The following CNTN4 variants were observed in gnomAD, a reference collection of about 807,000 sequenced individuals.
CNTN4 encodes the protein contactin-4.
In CNTN4, 77 loss-of-function variants were observed where a neutral mutation model predicts 122.5. The observed-to-expected ratio is 0.63, with a 90% CI of 0.52 to 0.76. The LOEUF is 0.76. Ranked by LOEUF, CNTN4 falls within the 30% of genes least tolerant of loss-of-function variation. CNTN4 has a pLI of 0.00. For missense variants in CNTN4, 1,256 were observed against 1,259.1 expected, an observed-to-expected ratio of 1.00 and a Z score of 0.04; for synonymous variants, 512 against 447.0, an observed-to-expected ratio of 1.15 and a Z score of -1.83.
intron 2 of CNTN4, among the ~76,000 whole-genome samples, chr3:2,122,981 G>A (rs1038087425): frequency 3.3e-5 from 5 of 152,120 alleles, no homozygotes; most frequent in African/African-American, 9.7e-5. Context: ...GGGTACTGTC[G>A]GTGAGACTTG....
intron 4 of CNTN4, among the ~76,000 whole-genome samples, chr3:2,663,243 G>A (rs1408067738): frequency 6.6e-6 from 1 of 152,146 alleles, no homozygotes; most frequent in Non-Finnish European, 1.5e-5. Flanking sequence ...AATCAAAAAA[G>A]TGAGTTAAGA....
At chr3:2,217,689 A>AGG (rs1168262793) in intron 2 of CNTN4, among the ~76,000 whole-genome samples, 1 of 151,410 alleles carries the variant, frequency 6.6e-6, no homozygotes, top group Non-Finnish European at 1.5e-5. Context: ...ATAAAGAGAG[A>AGG]GAGAAAAAAA....
At position 2,542,425 on chromosome 3, in the gene CNTN4, A is replaced by T. The variant is rs1047734800; in HGVS notation, c.-88-28991A>T. ...AGAGAACAGTATAGATAGGAGACAGAATCTCAGTAATGAACTAGCACCAGA... is the reference window on the plus strand; with the variant it reads ...AGAGAACAGTATAGATAGGAGACAGTATCTCAGTAATGAACTAGCACCAGA... On this transcript the variant is annotated intron_variant, in intron 3 of 24. Transcript: ENST00000418658. Among the ~76,000 whole-genome samples, 32 of 152,124 alleles carry T rather than the reference A, an allele frequency of 2.1e-4. 1 individual carries two copies. The highest frequency in any genetic ancestry group is 2.9e-5 in the Non-Finnish European group (2 of 68,008).
intron 7 of CNTN4, among the ~76,000 whole-genome samples, chr3:2,834,376 C>G (rs2093169628): frequency 6.6e-6 from 1 of 151,900 alleles, no homozygotes. Flanking sequence ...ACCAGCCTGG[C>G]CAACATGGTG....
At chr3:2,356,065 T>C (rs1403842910) in intron 3 of CNTN4, among the ~76,000 whole-genome samples, 1 of 152,150 alleles carries the variant, frequency 6.6e-6, no homozygotes, top group Non-Finnish European at 1.5e-5. Flanking sequence ...GAGAATCCAA[T>C]ACAGGTATTG....
At chr3:2,283,664 T>C (rs1045696292) in intron 2 of CNTN4, among the ~76,000 whole-genome samples, 6 of 152,140 alleles carry the variant, frequency 3.9e-5, no homozygotes, top group African/African-American at 1.4e-4. Flanking sequence ...GGGAACAATA[T>C]GAGCAGTAAG....
intron 2 of CNTN4, among the ~76,000 whole-genome samples, chr3:2,200,059 G>A (rs889945272): frequency 2.6e-5 from 4 of 152,090 alleles, no homozygotes; most frequent in African/African-American, 9.7e-5. Context: ...ACAAGGTTAT[G>A]ATTTAGTTTA....
intron 4 of CNTN4, among the ~76,000 whole-genome samples, chr3:2,656,944 A>G (rs972206614): frequency 2.0e-5 from 3 of 152,208 alleles, no homozygotes; most frequent in Non-Finnish European, 2.9e-5. Flanking sequence ...TCAAATGAGT[A>G]AGCTCTCTGA....
rs1370576785 is a variant in CNTN4 at position 3,037,317 on chromosome 3, C to T, written c.2081C>T (p.Thr694Ile). The T allele has an allele frequency of 1.9e-6, 3 of 1,614,164 alleles. No homozygotes were observed. The highest frequency in any genetic ancestry group is 2.5e-6 in the Non-Finnish European group (3 of 1,180,034). Residue 694 changes from threonine to isoleucine, a missense_variant, in exon 18 of 25, where the codon ACA becomes ATA. By Grantham distance (89) the Thr-to-Ile change is moderately conservative. Coordinates refer to ENST00000418658, the MANE Select transcript of CNTN4 (RefSeq NM_175607.3). ...EPSRPSEKRR[T>I]EEALPEVTPA... ...AGCCGCCCCTCAGAGAAACGGAGAA[C>T]AGAAGAAGCTCGTGAGTAGCACCCG...
At chr3:2,359,341 A>G (rs928272599) in intron 3 of CNTN4, among the ~76,000 whole-genome samples, 2 of 152,174 alleles carry the variant, frequency 1.3e-5, no homozygotes, top group Non-Finnish European at 2.9e-5. Flanking sequence ...TATATAGTGT[A>G]TAATACTCCA....
chr3:2,735,830 G>A (rs2089045360), intron 4 of CNTN4: 1 of 390,270 alleles, frequency 2.6e-6, no homozygotes, highest in Non-Finnish European at 5.0e-6. Context: ...AGAAAAAAAT[G>A]TTAGCTTTAT....
Position 2,902,947 on chromosome 3 carries a change from G to A in CNTN4, c.1149G>A (p.Gln383=), listed in dbSNP as rs377358638. 2.5e-6 allele frequency: 4 copies of A among 1,613,758 alleles called. No individual in the cohort carries two copies. The highest frequency in any genetic ancestry group is 2.5e-6 in the Non-Finnish European group (3 of 1,179,882). ...IVNLSDAGMY[Q]CLAENKHGVI... ...ACCTCTCAGATGCTGGCATGTATCAGTGTTTGGCAGAGAATAAACATGGAG... is the reference window on the plus strand; with the variant it reads ...ACCTCTCAGATGCTGGCATGTATCAATGTTTGGCAGAGAATAAACATGGAG... Residue 383 remains glutamine, a synonymous_variant, in exon 12 of 25, where the codon CAG becomes CAA. Coordinates refer to ENST00000418658, the MANE Select transcript of CNTN4 (RefSeq NM_175607.3).
intron 2 of CNTN4, among the ~76,000 whole-genome samples, chr3:2,218,003 C>G (rs1423829144): frequency 6.6e-6 from 1 of 152,062 alleles, no homozygotes; most frequent in Non-Finnish European, 1.5e-5. Flanking sequence ...AATTGGAAGG[C>G]TGGTATTTCT....
At chr3:3,032,835 T>C (rs964172876) in intron 16 of CNTN4, among the ~76,000 whole-genome samples, 6 of 152,196 alleles carry the variant, frequency 3.9e-5, no homozygotes, top group Non-Finnish European at 8.8e-5. Flanking sequence ...CAAACATTTG[T>C]ACATTTTTCA....
At chr3:2,544,815 G>A (rs1241148865) in intron 3 of CNTN4, among the ~76,000 whole-genome samples, 2 of 150,994 alleles carry the variant, frequency 1.3e-5, no homozygotes, top group African/African-American at 4.9e-5. Flanking sequence ...TATTTTCAAA[G>A]AACCAATTCC....
chr3:2,601,222 T>C (rs562045390), intron 4 of CNTN4, among the ~76,000 whole-genome samples: 2 of 152,278 alleles, frequency 1.3e-5, no homozygotes, highest in South Asian at 2.1e-4. Context: ...CCCATTTGTC[T>C]ATTTTGGCTT....
chr3:2,661,069 G>A (rs182456255), intron 4 of CNTN4, among the ~76,000 whole-genome samples: 2 of 152,332 alleles, frequency 1.3e-5, no homozygotes, highest in African/African-American at 4.8e-5. Flanking sequence ...TAAAGGGACA[G>A]TGAAATAAGT....
Position 3,056,116 on chromosome 3 carries a change from T to C in CNTN4, c.2981-4T>C, listed in dbSNP as rs769165090. 1.2e-6 allele frequency: 2 copies of C among 1,612,916 alleles called. No individual in the cohort carries two copies. The highest frequency in any genetic ancestry group is 1.7e-6 in the Non-Finnish European group (2 of 1,178,882). On this transcript the variant is annotated splice_region_variant and splice_polypyrimidine_tract_variant and intron_variant, in intron 24 of 24. Transcript: ENST00000418658. ...TTTTGAGTGAATTTGTTCTCTCTTT[T>C]CAGATGCCTACGCGAGAGGATCTGG...
chr3:2,501,978 T>C (rs2076606624), intron 3 of CNTN4, among the ~76,000 whole-genome samples: 1 of 152,208 alleles, frequency 6.6e-6, no homozygotes, highest in Non-Finnish European at 1.5e-5. Context: ...GGAATTACCT[T>C]CAGACTTTGT....
Sources: gnomAD v4.1 joint callset for allele counts (sites outside exome capture counted in the v4.1 genomes callset) on GRCh38, gnomAD v4.1.1 for gene constraint, MANE v1.5 for transcripts, NCBI Gene and HGNC (gene_info 2026-07-23, HGNC 2026-07-21) for gene names.